Variants in SH3TC1 observed in about 807,000 individuals in gnomAD.
SH3TC1 encodes the protein SH3 domain and tetratricopeptide repeat-containing protein 1.
In SH3TC1, 135 loss-of-function variants were observed where a neutral mutation model predicts 117.3. The ratio of observed to expected loss-of-function variants is 1.15; its 90% CI spans 1.00 to 1.33. The LOEUF (loss-of-function observed/expected upper bound fraction) is 1.33. Among genes scored for constraint, SH3TC1 ranks in the 40% most tolerant of loss-of-function variants. SH3TC1 has a pLI of 0.00. For missense variants in SH3TC1, 2,092 were observed against 1,794.3 expected, an observed-to-expected ratio of 1.17 and a Z score of -3.00; for synonymous variants, 898 against 816.9, an observed-to-expected ratio of 1.10 and a Z score of -1.69.
At chr4:8,234,905 G>A (rs1721669377) in intron 14 of SH3TC1, among the ~76,000 whole-genome samples, 1 of 152,240 alleles carries the variant, frequency 6.6e-6, no homozygotes, top group African/African-American at 2.4e-5. Context: ...GTTTCCAGAG[G>A]CTTTCCCAAA....
Position 8,225,808 on chromosome 4 carries a change from G to A in SH3TC1, c.1285+592G>A, listed in dbSNP as rs1720403437. Among the ~76,000 whole-genome samples, 1 of 152,144 alleles carries A rather than the reference G, an allele frequency of 6.6e-6. No individual in the cohort carries two copies. The highest frequency in any genetic ancestry group is 2.4e-5 in the African/African-American group (1 of 41,430). ...GAATGGGATCCATTCCAGTACATTT[G>A]GGATGCAGGCAGGAGGTCCCAGAGG... On this transcript the variant is annotated intron_variant, in intron 11 of 17. Coordinates refer to ENST00000245105, the MANE Select transcript of SH3TC1 (RefSeq NM_018986.5). This position sits in a 1 kb window ranked among gnomAD's most constrained non-coding sequence, Gnocchi z 5.5.
At chr4:8,197,444 C>T (rs1028453762), upstream of SH3TC1, among the ~76,000 whole-genome samples, 1 of 152,238 alleles carries the variant, frequency 6.6e-6, no homozygotes, top group South Asian at 2.1e-4. Context: ...CCTCCTCAGA[C>T]GCAGCCGGGG....
chr4:8,189,681 G>C (rs1252664656), intron 1 of SH3TC1, among the ~76,000 whole-genome samples: 1 of 152,206 alleles, frequency 6.6e-6, no homozygotes, highest in Non-Finnish European at 1.5e-5. Flanking sequence ...GGGGGCAGTA[G>C]GTGTCCAGTT....
At position 8,214,497 on chromosome 4, in the gene SH3TC1, C is replaced by G; in HGVS notation, c.398C>G (p.Ser133Cys). 3 of 1,613,994 alleles carry G rather than the reference C, an allele frequency of 1.9e-6. No homozygotes were observed. The highest frequency in any genetic ancestry group is 2.5e-6 in the Non-Finnish European group (3 of 1,179,970). Residue 133 changes from serine to cysteine, a missense_variant, in exon 5 of 18, where the codon TCC becomes TGC. Transcript: ENST00000245105. ...AAGGAATTATCAGCCAGGCTGCTGT[C>G]CATCCACAGTGACCAGGACCGGATC... is the stretch of plus-strand genomic sequence containing the variant. ...VLGELSARLLSIHSDQDRIVV... is the reference protein window; with the variant it reads ...VLGELSARLLCIHSDQDRIVV...
intron 4 of SH3TC1, among the ~76,000 whole-genome samples, chr4:8,214,015 A>G (rs1718985184): frequency 6.6e-6 from 1 of 152,072 alleles, no homozygotes; most frequent in South Asian, 2.1e-4. Flanking sequence ...TTATTTTTTC[A>G]TGCCCCTATC....
chr4:8,218,014 G>A (rs1049153991), intron 7 of SH3TC1, among the ~76,000 whole-genome samples: 2 of 152,188 alleles, frequency 1.3e-5, no homozygotes, highest in African/African-American at 4.8e-5. Flanking sequence ...GCCCACAGGG[G>A]TGGCGGTGTT....
At chr4:8,215,131 G>A (rs1719128659) in intron 5 of SH3TC1, 1 of 456,004 alleles carries the variant, frequency 2.2e-6, no homozygotes, top group African/African-American at 2.0e-5. Context: ...TGTGCTTCTA[G>A]TTGCCTTCAC....
At chr4:8,215,287 C>G in intron 5 of SH3TC1, 1 of 455,280 alleles carries the variant, frequency 2.2e-6, no homozygotes, top group Admixed American at 2.3e-5. Context: ...GGAGGAATTC[C>G]AGGCTCTAAC....
intron 1 of SH3TC1, among the ~76,000 whole-genome samples, chr4:8,184,980 C>G (rs747140409): frequency 1.3e-5 from 2 of 150,210 alleles, no homozygotes; most frequent in Non-Finnish European, 3.0e-5. Flanking sequence ...TCACATTTCA[C>G]ATTCATCCTG....
Position 8,241,022 on chromosome 4 carries a change from G to T in SH3TC1, c.*67G>T. On this transcript the variant is annotated 3_prime_UTR_variant, in exon 18 of 18. Transcript: ENST00000245105. ...GTCTCCTGCCTCTCCTGGTGTCGCC[G>T]GTGGCTCATTTTCTGGCAAATGGAG... 1 of 1,567,174 alleles carries T rather than the reference G, an allele frequency of 6.4e-7. No homozygotes were observed.
rs1324393964 is a variant in SH3TC1 at position 8,240,928 on chromosome 4, CT to C, written c.3985del (p.Trp1329GlyfsTer47). 1.2e-6 allele frequency: 2 copies of C among 1,611,686 alleles called. No individual in the cohort carries two copies. The highest frequency in any genetic ancestry group is 1.7e-6 in the Non-Finnish European group (2 of 1,179,988). On this transcript the variant is annotated frameshift_variant, in exon 18 of 18. Transcript: ENST00000245105. LOFTEE classifies it high-confidence loss of function. ...CTCTGCCACTCTGCGGGTGGGCCCC[CT>C]GGTTGGCCCCCAGCCACCCTCGCTG... is the stretch of plus-strand genomic sequence containing the variant. ...PPLPLCGWAP[W>X]LAPSHPR
At chr4:8,232,806 G>A (rs1364503564) in intron 13 of SH3TC1, 1 of 1,286,630 alleles carries the variant, frequency 7.8e-7, no homozygotes, top group Non-Finnish European at 1.0e-6. Flanking sequence ...TCCAGCCTTG[G>A]CCTCAGGTTC....
intron 12 of SH3TC1, among the ~76,000 whole-genome samples, chr4:8,229,436 G>T: frequency 7.9e-6 from 1 of 126,862 alleles, no homozygotes; most frequent in African/African-American, 3.0e-5. Context: ...GGTGTGATGG[G>T]GGTGAGTGAG....
Position 8,228,467 on chromosome 4 carries a change from T to C in SH3TC1, c.2773T>C (p.Tyr925His). ...HAGASRLAQH[Y>H]LLEAVRLFSR... ...GGGTGCCAGCAGGCTGGCCCAGCAC[T>C]ACCTCCTGGAGGCCGTGCGGCTGTT... is the stretch of plus-strand genomic sequence containing the variant. The change falls in exon 12 of 18, where the codon TAC (tyrosine) becomes CAC (histidine). Residue 925 changes from tyrosine to histidine, a missense_variant. Coordinates refer to ENST00000245105, the MANE Select transcript of SH3TC1 (RefSeq NM_018986.5). The C allele has an allele frequency of 6.2e-7, 1 of 1,608,306 alleles. No individual in the cohort carries two copies. Among genetic ancestry groups the C allele is most frequent in the Middle Eastern group, 1.7e-4 (1 of 5,996 alleles).
chr4:8,212,597 C>A (rs916164707), intron 3 of SH3TC1, 104 bp from the exon 4 acceptor site: 1 of 1,507,280 alleles, frequency 6.6e-7, no homozygotes, highest in Non-Finnish European at 9.0e-7. Context: ...CCCAGGCCTT[C>A]GGGGTCAGGT....
chr4:8,231,928 C>T lies in SH3TC1; in HGVS notation c.2951-48C>T, dbSNP rs777639285. The T allele has an allele frequency of 4.1e-5, 65 of 1,594,100 alleles. No individual in the cohort carries two copies. In the South Asian group the frequency reaches 5.0e-4, roughly 12 times the overall value. Reference sequence around the variant, plus strand: ...AGGGGCCTCTGAGCCCAGCCAGCCTCGCTTCAATGCTGGGAGGCTGACGTC... The same window carrying T: ...AGGGGCCTCTGAGCCCAGCCAGCCTTGCTTCAATGCTGGGAGGCTGACGTC... On this transcript the variant is annotated intron_variant, in intron 12 of 17. Coordinates refer to ENST00000245105, the MANE Select transcript of SH3TC1 (RefSeq NM_018986.5).
intron 15 of SH3TC1, 36 bp downstream of exon 15, chr4:8,235,591 AG>A (rs533008310): frequency 4.7e-5 from 72 of 1,532,874 alleles, no homozygotes; most frequent in Admixed American, 8.2e-5. Context: ...GGTGGGCCCC[AG>A]GGGGGGCACC....
Position 8,207,745 on chromosome 4 carries a change from C to T in SH3TC1, c.173-2003C>T, listed in dbSNP as rs541690180. Among the ~76,000 whole-genome samples the T allele has an allele frequency of 2.2e-4, 34 of 152,314 alleles. No individual in the cohort carries two copies. The South Asian group carries it at 5.4e-3, about 24-fold the overall frequency. On this transcript the variant is annotated intron_variant, in intron 2 of 17. Transcript: ENST00000245105. Reference sequence around the variant, plus strand: ...CTGTGTCTTCGTCACTTAGTGGGTGCGTCCTCACTTTCTGGGACATGAGAT... The same window carrying T: ...CTGTGTCTTCGTCACTTAGTGGGTGTGTCCTCACTTTCTGGGACATGAGAT...
At chr4:8,188,737 C>T (rs113163878) in intron 1 of SH3TC1, among the ~76,000 whole-genome samples, 688 of 152,348 alleles carry the variant, frequency 4.5e-3, no homozygotes, top group Non-Finnish European at 6.7e-3. Flanking sequence ...TGGTGGGCCA[C>T]GCCCCTGTGA....
Sources: allele counts gnomAD v4.1 joint callset (sites outside exome capture counted in the v4.1 genomes callset), GRCh38; gene constraint gnomAD v4.1.1; non-coding constraint Gnocchi (gnomAD v3.1); transcripts MANE v1.5; gene names NCBI Gene and HGNC (gene_info 2026-07-23, HGNC 2026-07-21).